The following ZPBP variants were observed in gnomAD, a reference collection of about 807,000 sequenced individuals.
ZPBP encodes zona pellucida-binding protein 1.
ZPBP carries 26 observed loss-of-function variants against 44.8 expected under a neutral mutation model. That is an observed-to-expected ratio of 0.58 (90% CI 0.43 to 0.81). The LOEUF is 0.81. Ranked by LOEUF, ZPBP falls within the 30% of genes least tolerant of loss-of-function variation. ZPBP has a pLI of 0.00. For missense variants in ZPBP, 409 were observed against 434.0 expected, an observed-to-expected ratio of 0.94 and a Z score of 0.51; for synonymous variants, 174 against 153.2, an observed-to-expected ratio of 1.14 and a Z score of -1.00.
intron 7 of ZPBP, among the ~76,000 whole-genome samples, chr7:49,938,634 T>C (rs965353389): frequency 3.3e-5 from 5 of 152,222 alleles, no homozygotes; most frequent in Non-Finnish European, 7.3e-5. Context: ...CAACCTGTTC[T>C]ATTGTGGATA....
chr7:50,042,581 G>C (rs1479458190), intron 4 of ZPBP, among the ~76,000 whole-genome samples: 1 of 152,164 alleles, frequency 6.6e-6, no homozygotes, highest in East Asian at 1.9e-4. Context: ...CTTCATAAGT[G>C]AAGGAGAAAT....
At chr7:50,057,821 C>A (rs1801039613) in intron 4 of ZPBP, among the ~76,000 whole-genome samples, 168 bp downstream of exon 4, 1 of 152,168 alleles carries the variant, frequency 6.6e-6, no homozygotes, top group South Asian at 2.1e-4. Flanking sequence ...CCATTCTGTG[C>A]CCTCACCACT....
At chr7:49,939,614 G>A (rs1442046748) in intron 7 of ZPBP, among the ~76,000 whole-genome samples, 2 of 151,832 alleles carry the variant, frequency 1.3e-5, no homozygotes, top group Non-Finnish European at 2.9e-5. Context: ...CTTTGGATAG[G>A]AAATAATTTC....
intron 2 of ZPBP, among the ~76,000 whole-genome samples, chr7:49,887,169 T>C (rs1291048442): frequency 6.6e-6 from 1 of 152,206 alleles, no homozygotes; most frequent in Admixed American, 6.5e-5. Context: ...TCGATGATGA[T>C]TTGGATTTCC....
intron 7 of ZPBP, among the ~76,000 whole-genome samples, chr7:49,955,045 A>G (rs1056665381): frequency 9.9e-5 from 15 of 152,226 alleles, no homozygotes; most frequent in Middle Eastern, 3.2e-3. Flanking sequence ...TTGACCAGAT[A>G]TATGAAAGTT....
chr7:49,916,763 C>A (rs1253441505), intron 1 of ZPBP: 5 of 152,314 alleles, frequency 3.3e-5, no homozygotes, highest in Non-Finnish European at 5.9e-5. Flanking sequence ...TTACTGTTTG[C>A]CAACCCAGTT....
chr7:49,986,000 T>C (rs1206129821), intron 6 of ZPBP, among the ~76,000 whole-genome samples: 3 of 152,190 alleles, frequency 2.0e-5, no homozygotes, highest in Non-Finnish European at 4.4e-5. Context: ...CGTTCTTTAA[T>C]AAATTCTGCT....
intron 2 of ZPBP, among the ~76,000 whole-genome samples, chr7:49,877,481 A>AAAAAAAAAAAATATATATAT: frequency 7.9e-5 from 1 of 12,722 alleles, no homozygotes; most frequent in African/African-American, 2.8e-4. Flanking sequence ...AAAAAAAAAA[A>AAAAAAAAAAAATATATATAT]ATATATATAT....
chr7:49,854,463 G>C (rs531942334), intron 2 of ZPBP, among the ~76,000 whole-genome samples: 2 of 152,252 alleles, frequency 1.3e-5, no homozygotes, highest in African/African-American at 4.8e-5. Flanking sequence ...CTGATGGCCA[G>C]TGATGATGAG....
chr7:50,086,157 T>C (rs1164391543), intron 2 of ZPBP, among the ~76,000 whole-genome samples: 1 of 152,102 alleles, frequency 6.6e-6, no homozygotes, highest in East Asian at 1.9e-4. Flanking sequence ...ATACATAACT[T>C]ACACAGTTAG....
chr7:49,883,769 C>T (rs1233518024), intron 2 of ZPBP, among the ~76,000 whole-genome samples: 2 of 152,158 alleles, frequency 1.3e-5, no homozygotes, highest in Non-Finnish European at 2.9e-5. Flanking sequence ...TAATTGAACA[C>T]AAATTTGAAA....
intron 7 of ZPBP, among the ~76,000 whole-genome samples, chr7:49,959,868 T>C (rs999113029): frequency 6.6e-6 from 1 of 152,210 alleles, no homozygotes; most frequent in Non-Finnish European, 1.5e-5. Context: ...GTAATCAAGA[T>C]ACTTCAGTAT....
At chr7:50,064,548 T>G (rs1463505353) in intron 3 of ZPBP, among the ~76,000 whole-genome samples, 1 of 152,184 alleles carries the variant, frequency 6.6e-6, no homozygotes, top group Admixed American at 6.5e-5. Flanking sequence ...GGGGGCCAGT[T>G]CAGAGACCTA....
At chr7:49,909,011 C>T (rs530152659) in intron 1 of ZPBP, among the ~76,000 whole-genome samples, 10 of 152,304 alleles carry the variant, frequency 6.6e-5, no homozygotes, top group African/African-American at 1.2e-4. Context: ...AAGACTTTTG[C>T]TAGCATTTGT....
At chr7:49,968,737 A>G (rs1044450822) in intron 7 of ZPBP, among the ~76,000 whole-genome samples, 1 of 152,048 alleles carries the variant, frequency 6.6e-6, no homozygotes, top group Non-Finnish European at 1.5e-5. Flanking sequence ...ACTTGCAATT[A>G]CACTCATAAT....
intron 3 of ZPBP, among the ~76,000 whole-genome samples, chr7:50,078,071 G>A (rs1802187555): frequency 6.6e-6 from 1 of 151,790 alleles, no homozygotes; most frequent in Admixed American, 6.6e-5. Context: ...AAAAAGGAAT[G>A]AGATCCAGAC....
intron 3 of ZPBP, among the ~76,000 whole-genome samples, chr7:50,078,324 T>C (rs909657274): frequency 6.6e-6 from 1 of 151,564 alleles, no homozygotes; most frequent in African/African-American, 2.4e-5. Context: ...AGACCTACTA[T>C]TTGATAGCAC....
chr7:49,910,982 G>T (rs1160809411), intron 1 of ZPBP, among the ~76,000 whole-genome samples: 1 of 152,192 alleles, frequency 6.6e-6, no homozygotes, highest in East Asian at 1.9e-4. Context: ...GCCCTCGGAG[G>T]CCTGGAAGGT....
chr7:50,003,726 T>C (rs1361270880), intron 6 of ZPBP, among the ~76,000 whole-genome samples: 1 of 152,136 alleles, frequency 6.6e-6, no homozygotes, highest in Non-Finnish European at 1.5e-5. Flanking sequence ...GAAGTACTTC[T>C]CCTGCACTAA....
Sources: gnomAD v4.1 joint callset for allele counts (sites outside exome capture counted in the v4.1 genomes callset) on GRCh38, gnomAD v4.1.1 for gene constraint, MANE v1.5 for transcripts, NCBI Gene and HGNC (gene_info 2026-07-23, HGNC 2026-07-21) for gene names.